PTPRN2: variants seen among roughly 807,000 people sequenced by gnomAD.
The protein encoded by PTPRN2 is receptor-type tyrosine-protein phosphatase N2.
Under a neutral mutation model 118.8 loss-of-function variants are expected in PTPRN2, and 74 were observed. That is an observed-to-expected ratio of 0.62 (90% CI 0.52 to 0.76). The LOEUF (loss-of-function observed/expected upper bound fraction) is 0.76, where lower values mean the gene tolerates loss of function less well. Ranked by LOEUF, PTPRN2 falls within the 30% of genes least tolerant of loss-of-function variation. The probability of loss-of-function intolerance (pLI) is 0.00; values close to 1 mark genes in which losing one functional copy is unlikely to be tolerated. For synonymous variants in PTPRN2, 641 were observed against 608.0 expected, an observed-to-expected ratio of 1.05 and a Z score of -0.80; for missense variants, 1,481 against 1,394.4, an observed-to-expected ratio of 1.06 and a Z score of -0.99.
intron 1 of PTPRN2, among the ~76,000 whole-genome samples, chr7:158,586,827 G>A (rs1348483594): frequency 6.6e-6 from 1 of 152,198 alleles, no homozygotes; most frequent in Non-Finnish European, 1.5e-5. Flanking sequence ...CGCGGCACAC[G>A]CGGCGGAACA....
intron 12 of PTPRN2, among the ~76,000 whole-genome samples, chr7:157,809,154 A>G (rs186239524): frequency 7.1e-4 from 108 of 152,388 alleles, no homozygotes; most frequent in African/African-American, 2.5e-3. Flanking sequence ...AAGGTTTCGA[A>G]AGCTGAGTCA....
At chr7:158,270,944 CCCCCA>C (rs1798419441) in intron 3 of PTPRN2, among the ~76,000 whole-genome samples, 2 of 72,620 alleles carry the variant, frequency 2.8e-5, no homozygotes, top group Non-Finnish European at 5.7e-5. Context: ...CTGGACCACC[CCCCCA>C]CCTGGACCAC....
At chr7:158,330,528 A>G (rs1160626065) in intron 2 of PTPRN2, among the ~76,000 whole-genome samples, 7 of 88,626 alleles carry the variant, frequency 7.9e-5, no homozygotes, top group Non-Finnish European at 1.5e-4. Context: ...CACTCTCACC[A>G]TAAGAGCTGA....
At chr7:158,288,523 C>T (rs1799902378) in intron 3 of PTPRN2, among the ~76,000 whole-genome samples, 1 of 152,080 alleles carries the variant, frequency 6.6e-6, no homozygotes, top group Non-Finnish European at 1.5e-5. Flanking sequence ...GCAAGCTTTT[C>T]TAAGTTGGTA....
intron 2 of PTPRN2, among the ~76,000 whole-genome samples, chr7:158,387,521 C>G (rs1811533079): frequency 6.6e-6 from 1 of 152,424 alleles, no homozygotes; most frequent in African/African-American, 2.4e-5. Flanking sequence ...TTGGAAAGCA[C>G]TCTCTGGGTC....
intron 2 of PTPRN2, among the ~76,000 whole-genome samples, chr7:158,324,364 A>T (rs557044001): frequency 5.3e-5 from 8 of 152,298 alleles, no homozygotes; most frequent in African/African-American, 1.7e-4. Context: ...CATTTGTCTA[A>T]AAGAAAATGG....
chr7:157,602,327 C>T (rs146747268), intron 16 of PTPRN2, among the ~76,000 whole-genome samples: 6 of 152,368 alleles, frequency 3.9e-5, no homozygotes, highest in African/African-American at 9.6e-5. Flanking sequence ...ATCTTCCCAG[C>T]GTGCTTTATC....
At chr7:158,194,421 C>T (rs1484797840) in intron 4 of PTPRN2, among the ~76,000 whole-genome samples, 1 of 152,230 alleles carries the variant, frequency 6.6e-6, no homozygotes. Flanking sequence ...CAGACAAGGG[C>T]AGGGCCCTCT....
chr7:157,805,367 C>T (rs1177357712), intron 12 of PTPRN2, among the ~76,000 whole-genome samples: 1 of 151,562 alleles, frequency 6.6e-6, no homozygotes, highest in African/African-American at 2.4e-5. Flanking sequence ...GGGAAAAGAT[C>T]GCAGCTCATC....
intron 17 of PTPRN2, among the ~76,000 whole-genome samples, chr7:157,584,518 A>AGT (rs1342034112): frequency 3.9e-5 from 6 of 152,252 alleles, no homozygotes; most frequent in African/African-American, 1.4e-4. Flanking sequence ...ACAAGTGTTC[A>AGT]GTTTTTAAAA....
chr7:157,974,149 C>T lies in PTPRN2; in HGVS notation c.1724-75412G>A, dbSNP rs560142578. ...GTGTTGACGCTGCACAGGTCATGAGCGCCGGCCCTGCGGATCCGGCGATGA... is the reference window on the plus strand; with the variant it reads ...GTGTTGACGCTGCACAGGTCATGAGTGCCGGCCCTGCGGATCCGGCGATGA... On this transcript the variant is annotated intron_variant, in intron 11 of 22. Transcript: ENST00000389418. This position sits in a 1 kb window ranked among gnomAD's most constrained non-coding sequence, Gnocchi z 4.0. 9.3e-4 allele frequency among the ~76,000 whole-genome samples: 141 copies of T among 152,296 alleles called. 1 individual carries two copies. The highest frequency in any genetic ancestry group is 1.2e-3 in the Non-Finnish European group (85 of 68,030).
At chr7:157,949,556 C>G (rs954458015) in intron 11 of PTPRN2, among the ~76,000 whole-genome samples, 3 of 152,238 alleles carry the variant, frequency 2.0e-5, no homozygotes, top group Non-Finnish European at 4.4e-5. Context: ...GGCTCAGACA[C>G]TGGCGGCTGA....
intron 15 of PTPRN2, among the ~76,000 whole-genome samples, chr7:157,613,854 G>A (rs1802564909): frequency 2.0e-5 from 3 of 152,202 alleles, no homozygotes; most frequent in African/African-American, 7.2e-5. Context: ...CCCCCCCACA[G>A]TGTGCCGGGA....
chr7:157,994,642 G>GCA, intron 11 of PTPRN2, among the ~76,000 whole-genome samples: 1 of 125,746 alleles, frequency 8.0e-6, no homozygotes, highest in South Asian at 2.6e-4. Flanking sequence ...TCAACGCCGT[G>GCA]TCCCCAGCTT....
intron 2 of PTPRN2, among the ~76,000 whole-genome samples, chr7:158,451,616 C>A (rs887559905): frequency 6.6e-6 from 1 of 152,150 alleles, no homozygotes; most frequent in African/African-American, 2.4e-5. Flanking sequence ...TCTGTGTCAG[C>A]CCATCTACCT....
At chr7:157,782,896 G>C (rs1563103692) in intron 12 of PTPRN2, among the ~76,000 whole-genome samples, 1 of 152,188 alleles carries the variant, frequency 6.6e-6, no homozygotes, top group Non-Finnish European at 1.5e-5. Context: ...CTCGGTGCTG[G>C]CTGGCTAACA....
intron 2 of PTPRN2, among the ~76,000 whole-genome samples, chr7:158,366,244 G>A (rs1442498319): frequency 7.5e-6 from 1 of 133,626 alleles, no homozygotes; most frequent in Admixed American, 7.6e-5. Context: ...CCCAATGCAC[G>A]CGTGCACATG....
chr7:158,582,982 T>C (rs1828711243), intron 1 of PTPRN2, among the ~76,000 whole-genome samples: 1 of 152,166 alleles, frequency 6.6e-6, no homozygotes, highest in Admixed American at 6.5e-5. Flanking sequence ...GCAGTAGTCA[T>C]GGCTCACCCG....
chr7:158,393,951 T>C (rs1238871245), intron 2 of PTPRN2, among the ~76,000 whole-genome samples: 2 of 148,248 alleles, frequency 1.3e-5, no homozygotes, highest in African/African-American at 5.0e-5. Context: ...ACCCCCACCC[T>C]TCATCTCTCA....
Sources: allele counts gnomAD v4.1 joint callset (sites outside exome capture counted in the v4.1 genomes callset), GRCh38; gene constraint gnomAD v4.1.1; non-coding constraint Gnocchi (gnomAD v3.1); transcripts MANE v1.5; gene names NCBI Gene and HGNC (gene_info 2026-07-23, HGNC 2026-07-21).